Variants in UBR1 observed in about 807,000 individuals in gnomAD.
UBR1 encodes E3 ubiquitin-protein ligase UBR1.
UBR1 carries 102 observed loss-of-function variants against 242.1 expected under a neutral mutation model. The observed-to-expected ratio is 0.42, with a 90% CI of 0.36 to 0.50. The LOEUF is 0.50. UBR1 is among the 20% of genes least tolerant of loss of function. The pLI, the probability that UBR1 is intolerant of heterozygous loss-of-function variation, is 0.01. For missense variants in UBR1, 1,772 were observed against 2,101.8 expected (o/e 0.84, Z 3.07); for synonymous variants, 675 against 684.8 (o/e 0.99, Z 0.22).
At chr15:43,096,371 A>G (rs1173605027) in intron 1 of UBR1, among the ~76,000 whole-genome samples, 1 of 152,170 alleles carries the variant, frequency 6.6e-6, no homozygotes, top group Non-Finnish European at 1.5e-5. Context: ...CATGTTGGTC[A>G]GGCTGGTCTC....
At chr15:43,047,374 T>G in intron 13 of UBR1, 85 bp from the exon 14 acceptor site, 1 of 1,591,374 alleles carries the variant, frequency 6.3e-7, no homozygotes. Context: ...CTGTCAGGAT[T>G]CATAACATTT....
chr15:42,965,172 C>T (rs963198558), intron 41 of UBR1, among the ~76,000 whole-genome samples: 1 of 152,054 alleles, frequency 6.6e-6, no homozygotes, highest in Admixed American at 6.6e-5. Context: ...TCAGATAAAC[C>T]CTACTGAACT....
chr15:43,030,177 TGA>T, intron 20 of UBR1, 109 bp from the exon 21 acceptor site: 1 of 1,272,998 alleles, frequency 7.9e-7, no homozygotes, highest in South Asian at 1.3e-5. Context: ...ATTAAATCTG[TGA>T]GAGAGGGGCA....
chr15:43,004,759 C>T (rs762114609), intron 30 of UBR1, among the ~76,000 whole-genome samples: 10 of 152,186 alleles, frequency 6.6e-5, no homozygotes, highest in Non-Finnish European at 1.2e-4. Context: ...CCTGCCTTGG[C>T]CTCCCAAAGT....
intron 28 of UBR1, 39 bp from the exon 29 acceptor site, chr15:43,015,908 T>C: frequency 1.3e-6 from 2 of 1,592,258 alleles, no homozygotes; most frequent in Non-Finnish European, 1.7e-6. Flanking sequence ...TAAGATCCAC[T>C]GTTAAACATT....
In UBR1 at chr15:42,952,267, T is replaced by G. The variant is rs1287439622; in HGVS notation, c.5006+11A>C. 6.2e-7 allele frequency: 1 copy of G among 1,614,014 alleles called. No individual in the cohort carries two copies. Among genetic ancestry groups the G allele is most frequent in the Non-Finnish European group, 8.5e-7 (1 of 1,180,036 alleles). Reference sequence around the variant, plus strand: ...GTTCATCATGAAGCTTCCAGAACACTCACTACTCACTTTAGGAAAATGCAG... The same window carrying G: ...GTTCATCATGAAGCTTCCAGAACACGCACTACTCACTTTAGGAAAATGCAG... On this transcript the variant is annotated intron_variant, in intron 45 of 46. Transcript: ENST00000290650.
intron 35 of UBR1, among the ~76,000 whole-genome samples, chr15:42,986,683 A>G (rs1374024933): frequency 6.6e-6 from 1 of 152,196 alleles, no homozygotes; most frequent in African/African-American, 2.4e-5. Context: ...TCCTATACCC[A>G]TGATTTAAGT....
In UBR1 at chr15:43,060,205, C is replaced by T; in HGVS notation, c.799-91G>A. On this transcript the variant is annotated intron_variant, in intron 6 of 46. Coordinates refer to ENST00000290650, the MANE Select transcript of UBR1 (RefSeq NM_174916.3). ...GCCCAAAGACTTAATGAGCTCTTAA[C>T]TGAGCTCTAATCGCGTGTTGACTAA... is the stretch of plus-strand genomic sequence containing the variant. 3 of 1,199,482 alleles carry T rather than the reference C, an allele frequency of 2.5e-6. No homozygotes were observed. The Admixed American group carries it at 5.0e-5, about 20-fold the overall frequency. 74.3% of individuals were successfully genotyped at this position (1,199,482 alleles called of 1,614,324 possible).
chr15:43,030,108 T>G, intron 20 of UBR1, 40 bp from the exon 21 acceptor site: 1 of 1,589,640 alleles, frequency 6.3e-7, no homozygotes, highest in South Asian at 1.1e-5. Context: ...AGTAGAATAA[T>G]TATTTTCTAT....
At chr15:42,982,916 G>C (rs962757937) in intron 37 of UBR1, among the ~76,000 whole-genome samples, 2 of 152,152 alleles carry the variant, frequency 1.3e-5, no homozygotes, top group African/African-American at 4.8e-5. Flanking sequence ...TTAAAGCCTG[G>C]TCTGTTTGGG....
At chr15:43,005,223 A>T (rs1331636420) in intron 30 of UBR1, among the ~76,000 whole-genome samples, 1 of 151,190 alleles carries the variant, frequency 6.6e-6, no homozygotes, top group Non-Finnish European at 1.5e-5. Flanking sequence ...TCCGCCCGGC[A>T]GCCGCCCGGT....
At position 43,003,825 on chromosome 15, in the gene UBR1, A is replaced by G. The variant is rs774874177; in HGVS notation, c.3509+12T>C. On this transcript the variant is annotated intron_variant, in intron 31 of 46. Transcript: ENST00000290650. Reference sequence around the variant, plus strand: ...TAGTCTCTTTCAAGAACATGTCAGAAGGACAACTTACTTCTGCCAGCACAC... The same window carrying G: ...TAGTCTCTTTCAAGAACATGTCAGAGGGACAACTTACTTCTGCCAGCACAC... The G allele has an allele frequency of 9.3e-6, 15 of 1,613,778 alleles. No individual in the cohort carries two copies. The Admixed American group carries it at 2.2e-4, about 23-fold the overall frequency.
At chr15:43,036,677 T>TAGAAAC in intron 17 of UBR1, 84 bp from the exon 18 acceptor site, 1 of 971,200 alleles carries the variant, frequency 1.0e-6, no homozygotes, top group Non-Finnish European at 1.6e-6. Flanking sequence ...CTTAAAACTT[T>TAGAAAC]CTCTAAGCTA....
chr15:43,067,909 TG>T lies in UBR1; in HGVS notation c.786del (p.Ile263LeufsTer24), dbSNP rs1320276619. 1 of 1,613,918 alleles carries T rather than the reference TG, an allele frequency of 6.2e-7. No homozygotes were observed. Among genetic ancestry groups the T allele is most frequent in the Admixed American group, 1.7e-5 (1 of 59,998 alleles). ...ELAEAQLHTT[A>X]IDKEGRRAVK... ...AGGAGACCACAAACCTCTTTGTCAA[TG>T]GCAGTGGTATGCAACTGGGCCTCTG... On this transcript the variant is annotated frameshift_variant, in exon 6 of 47. Coordinates refer to ENST00000290650, the MANE Select transcript of UBR1 (RefSeq NM_174916.3). LOFTEE classifies it high-confidence loss of function.
chr15:42,976,235 G>A (rs2032285790), intron 39 of UBR1, among the ~76,000 whole-genome samples: 1 of 152,154 alleles, frequency 6.6e-6, no homozygotes. Context: ...TTACACTGAG[G>A]ACAAAGGAGC....
At chr15:42,951,785 AT>A (rs1050028248) in intron 45 of UBR1, among the ~76,000 whole-genome samples, 8 of 151,640 alleles carry the variant, frequency 5.3e-5, no homozygotes, top group African/African-American at 1.7e-4. Context: ...TGCCTGGCTA[AT>A]TTTTTATAGA....
intron 39 of UBR1, among the ~76,000 whole-genome samples, chr15:42,976,167 T>C (rs2032284976): frequency 6.6e-6 from 1 of 152,244 alleles, no homozygotes; most frequent in South Asian, 2.1e-4. Flanking sequence ...TGTTACCAGA[T>C]ACTTGCAGTT....
intron 4 of UBR1, 26 bp from the exon 5 acceptor site, chr15:43,070,951 C>T: frequency 6.2e-7 from 1 of 1,610,742 alleles, no homozygotes; most frequent in Non-Finnish European, 8.5e-7. Flanking sequence ...GAAAAACATA[C>T]TAGTCAAGAT....
chr15:43,056,519 G>T, intron 10 of UBR1, 77 bp from the exon 11 acceptor site: 1 of 971,962 alleles, frequency 1.0e-6, no homozygotes, highest in Non-Finnish European at 1.6e-6. Context: ...AATAACTGCT[G>T]CAGGTTTGTT....
Sources: allele counts gnomAD v4.1 joint callset (sites outside exome capture counted in the v4.1 genomes callset), GRCh38; gene constraint gnomAD v4.1.1; transcripts MANE v1.5; gene names NCBI Gene and HGNC (gene_info 2026-07-23, HGNC 2026-07-21).